The following AADAT variants were observed in gnomAD, a reference collection of about 807,000 sequenced individuals.
The protein encoded by AADAT is aminoadipate aminotransferase, also known as kynurenine/alpha-aminoadipate aminotransferase, mitochondrial.
Under a neutral mutation model 56.2 loss-of-function variants are expected in AADAT, and 25 were observed. That is an observed-to-expected ratio of 0.44 (90% CI 0.32 to 0.62). AADAT has a LOEUF of 0.62. Ranked by LOEUF, AADAT falls within the 20% of genes least tolerant of loss-of-function variation. The pLI is 0.04. For missense variants in AADAT, 387 were observed against 510.5 expected (o/e 0.76, Z 2.33); for synonymous variants, 173 against 164.7 (o/e 1.05, Z -0.39).
intron 3 of AADAT, among the ~76,000 whole-genome samples, chr4:170,081,889 T>C (rs1732334153): frequency 6.6e-6 from 1 of 152,126 alleles, no homozygotes; most frequent in Non-Finnish European, 1.5e-5. Flanking sequence ...CGAGAAGCGA[T>C]CATCCAAGAA....
At chr4:170,089,282 C>T (rs1732719873) in intron 1 of AADAT, 1 of 517,126 alleles carries the variant, frequency 1.9e-6, no homozygotes, top group Non-Finnish European at 3.7e-6. Context: ...CACTGTACAC[C>T]CATCTGCACG....
chr4:170,086,723 A>G (rs1732581259), intron 3 of AADAT, among the ~76,000 whole-genome samples: 1 of 152,174 alleles, frequency 6.6e-6, no homozygotes. Flanking sequence ...TTTAATGGTT[A>G]ATAGGTCTGG....
intron 4 of AADAT, among the ~76,000 whole-genome samples, chr4:170,073,808 C>T (rs1731908341): frequency 6.6e-6 from 1 of 152,102 alleles, no homozygotes; most frequent in African/African-American, 2.4e-5. Flanking sequence ...GGGCAGATAC[C>T]ATTATTGTTC....
Position 170,089,659 on chromosome 4 carries a change from C to G in AADAT, c.32G>C (p.Ser11Thr). 1 of 1,614,170 alleles carries G rather than the reference C, an allele frequency of 6.2e-7. No homozygotes were observed. Among genetic ancestry groups the G allele is most frequent in the Non-Finnish European group, 8.5e-7 (1 of 1,180,024 alleles). The part of the protein sequence containing the change: MNYARFITAA[S>T]AARNPSPIRT... ...GATGGGAGAAGGGTTTCTGGCTGCG[C>G]TCGCTGCCGTGATGAACCGTGCGTA... Residue 11 changes from serine to threonine, a missense_variant, in exon 1 of 13, where the codon AGC becomes ACC. Transcript: ENST00000337664.
rs184602171 is a variant in AADAT at position 170,083,647 on chromosome 4, A to G, written c.369+3469T>C. ...CCAAAAGGCATTAAAAAAGTTCAAT[A>G]TTACCAATGCAATCAGAAAAACCTC... On this transcript the variant is annotated intron_variant, in intron 3 of 12. Coordinates refer to ENST00000337664, the MANE Select transcript of AADAT (RefSeq NM_016228.4). 4.5e-3 allele frequency among the ~76,000 whole-genome samples: 688 copies of G among 152,268 alleles called. 2 individuals carry two copies. The highest frequency in any genetic ancestry group is 0.014 in the African/African-American group (589 of 41,564).
At position 170,073,323 on chromosome 4, in the gene AADAT, A is replaced by G. The variant is rs1475000767; in HGVS notation, c.467T>C (p.Ile156Thr). 1 of 1,614,020 alleles carries G rather than the reference A, an allele frequency of 6.2e-7. No homozygotes were observed. The highest frequency in any genetic ancestry group is 8.5e-7 in the Non-Finnish European group (1 of 1,180,020). Reference protein sequence around the residue: ...LQSLHPLGCNIINVASDESGI... With the variant: ...LQSLHPLGCNTINVASDESGI... ...ACTTTCATCACTGGCAACATTAATA[A>G]TGTTGCAGCCCAGTGGGTGCAGCTG... Residue 156 changes from isoleucine to threonine, a missense_variant, in exon 5 of 13, where the codon ATT becomes ACT. Physicochemically the swap from Ile to Thr is moderately conservative, Grantham distance 89 (BLOSUM62 -1). Coordinates refer to ENST00000337664, the MANE Select transcript of AADAT (RefSeq NM_016228.4).
At chr4:170,092,498 T>G (rs997806583), upstream of AADAT, among the ~76,000 whole-genome samples, 2 of 152,230 alleles carry the variant, frequency 1.3e-5, no homozygotes, top group Non-Finnish European at 2.9e-5. Flanking sequence ...ACACACTGAC[T>G]TTAAGAACTG....
At chr4:170,060,996 T>G in intron 12 of AADAT, 27 bp from the exon 13 acceptor site, 2 of 1,410,378 alleles carry the variant, frequency 1.4e-6, no homozygotes, top group Middle Eastern at 2.2e-4. Flanking sequence ...AAATTAGAAT[T>G]AATTAAATTA....
chr4:170,066,433 A>G lies in AADAT; in HGVS notation c.1008T>C (p.Ala336=). Reference sequence around the variant, plus strand: ...ACTCACCAGTTAACCACTTGTCTGCAGCTGCCAGTATTGCATCCTTCTGGT... The same window carrying G: ...ACTCACCAGTTAACCACTTGTCTGCGGCTGCCAGTATTGCATCCTTCTGGT... ...YSNQKDAILA[A]ADKWLTGLAE... The change falls in exon 10 of 13, where the codon GCT becomes GCC. Residue 336 remains alanine, a synonymous_variant. Transcript: ENST00000337664. The G allele has an allele frequency of 6.2e-7, 1 of 1,613,920 alleles. No individual in the cohort carries two copies. The highest frequency in any genetic ancestry group is 1.1e-5 in the South Asian group (1 of 91,080).
At chr4:170,079,051 C>T (rs1732171385) in intron 3 of AADAT, among the ~76,000 whole-genome samples, 2 of 152,138 alleles carry the variant, frequency 1.3e-5, no homozygotes, top group African/African-American at 4.8e-5. Context: ...GGTTCTTACT[C>T]TCATGGAGCT....
intron 4 of AADAT, among the ~76,000 whole-genome samples, 191 bp from the exon 5 acceptor site, chr4:170,073,536 G>A (rs935839276): frequency 2.0e-5 from 3 of 149,326 alleles, no homozygotes; most frequent in Non-Finnish European, 4.4e-5. Context: ...ATGGAGTCTC[G>A]CTCTGTCACC....
chr4:170,086,315 T>C (rs940109203), intron 3 of AADAT, among the ~76,000 whole-genome samples: 1 of 151,748 alleles, frequency 6.6e-6, no homozygotes, highest in African/African-American at 2.4e-5. Flanking sequence ...CTCTTTATTG[T>C]GGCAACTAAC....
intron 1 of AADAT, chr4:170,089,261 C>A: frequency 2.1e-6 from 1 of 482,478 alleles, no homozygotes; most frequent in Admixed American, 2.6e-5. Flanking sequence ...TCCCATTTAC[C>A]TGGCCCTCTC....
At chr4:170,082,927 T>C (rs1233239469) in intron 3 of AADAT, among the ~76,000 whole-genome samples, 2 of 151,546 alleles carry the variant, frequency 1.3e-5, no homozygotes, top group Admixed American at 1.3e-4. Context: ...AGATGGAATG[T>C]AATACAATAA....
intron 3 of AADAT, among the ~76,000 whole-genome samples, chr4:170,084,433 T>C (rs896421950): frequency 6.6e-6 from 1 of 152,190 alleles, no homozygotes; most frequent in African/African-American, 2.4e-5. Flanking sequence ...GGTCAAGTAA[T>C]AAAAGGTTTG....
rs1731142622 is a variant in AADAT, at chr4:170,060,488, C to A, written c.*440G>T. ...ATTACAAAGCAACTACAAAGTTCTT[C>A]ATAATAAATCCAAGATAAAAGTAAC... On this transcript the variant is annotated 3_prime_UTR_variant, in exon 13 of 13. Transcript: ENST00000337664. 1 of 152,794 alleles carries A rather than the reference C, an allele frequency of 6.5e-6. No individual in the cohort carries two copies. The highest frequency in any genetic ancestry group is 2.4e-5 in the African/African-American group (1 of 41,462). 9.5% of individuals were successfully genotyped at this position (152,794 alleles called of 1,614,324 possible).
intron 3 of AADAT, among the ~76,000 whole-genome samples, chr4:170,083,286 GGGTCAATGAAAAATTCAGA>G (rs2111202467): frequency 6.6e-6 from 1 of 152,106 alleles, no homozygotes; most frequent in East Asian, 1.9e-4. Context: ...GCTCCTGAAT[GGGTCAATGAAAAATTCAGA>G]AGGAAATTAA....
intron 3 of AADAT, among the ~76,000 whole-genome samples, chr4:170,079,111 T>C (rs916092055): frequency 6.6e-6 from 1 of 152,138 alleles, no homozygotes; most frequent in Non-Finnish European, 1.5e-5. Context: ...ACCCAATAAA[T>C]GTGCAAATTA....
At chr4:170,091,370 C>G (rs1420336897), upstream of AADAT, among the ~76,000 whole-genome samples, 5 of 152,192 alleles carry the variant, frequency 3.3e-5, no homozygotes, top group Admixed American at 2.0e-4. Flanking sequence ...GCTTAGCACC[C>G]GGGCCAGCAG....
Sources: gnomAD v4.1 joint callset for allele counts (sites outside exome capture counted in the v4.1 genomes callset) on GRCh38, gnomAD v4.1.1 for gene constraint, MANE v1.5 for transcripts, NCBI Gene and HGNC (gene_info 2026-07-23, HGNC 2026-07-21) for gene names.